The following SPMIP1 variants were observed in gnomAD, a reference collection of about 807,000 sequenced individuals.
SPMIP1 encodes protein SPMIP1.
At chr7:128,871,666 T>G in the SPMIP1 span, 1 of 152,240 alleles carries the variant, frequency 6.6e-6, no homozygotes, top group African/African-American at 2.4e-5. Context: ...CCAAGAATAC[T>G]GCATCTTGTT....
the SPMIP1 span, among the ~76,000 whole-genome samples, chr7:128,867,632 C>T: frequency 6.6e-6 from 1 of 152,058 alleles, no homozygotes; most frequent in Admixed American, 6.5e-5. Context: ...AATGCAGTGG[C>T]ACGATCTTGG....
At chr7:128,869,988 C>T in the SPMIP1 span, 1 of 152,202 alleles carries the variant, frequency 6.6e-6, no homozygotes, top group African/African-American at 2.4e-5. Context: ...ATCTCGGCTC[C>T]GGCTCCGCGA....
At chr7:128,871,052 C>T in the SPMIP1 span, 1 of 152,326 alleles carries the variant, frequency 6.6e-6, no homozygotes, top group Non-Finnish European at 1.5e-5. Context: ...CCCAGCCCCT[C>T]ATGCACAGTT....
chr7:128,871,574 A>C, the SPMIP1 span: 12 of 152,266 alleles, frequency 7.9e-5, no homozygotes, highest in Non-Finnish European at 1.5e-4. Flanking sequence ...GCTCCCCTGC[A>C]GCTGTGGAGG....
At chr7:128,871,635 G>A in the SPMIP1 span, 1 of 152,202 alleles carries the variant, frequency 6.6e-6, no homozygotes, top group African/African-American at 2.4e-5. Flanking sequence ...GATTTCATAA[G>A]GTCTGAAATT....
the SPMIP1 span, chr7:128,866,922 C>T: frequency 1.6e-6 from 2 of 1,263,224 alleles, no homozygotes; most frequent in Non-Finnish European, 2.1e-6. Flanking sequence ...AGACTATAAA[C>T]AGAGCAAGGA....
At chr7:128,866,395 C>A in the SPMIP1 span, 2 of 1,504,564 alleles carry the variant, frequency 1.3e-6, no homozygotes, top group Non-Finnish European at 1.8e-6. Flanking sequence ...TGGTGCCACT[C>A]CTTCCCTGGC....
At chr7:128,868,984 G>A in the SPMIP1 span, 2 of 501,008 alleles carry the variant, frequency 4.0e-6, no homozygotes, top group South Asian at 7.2e-5. Flanking sequence ...ACTCAGCAAT[G>A]ACCAGAGGGT....
the SPMIP1 span, chr7:128,869,118 AG>A: frequency 2.6e-6 from 1 of 388,186 alleles, no homozygotes; most frequent in Non-Finnish European, 4.6e-6. Context: ...GGCCAGGGAA[AG>A]GGGCCTCCTG....
the SPMIP1 span, chr7:128,869,844 A>ACCT: frequency 3.3e-5 from 5 of 152,234 alleles, 1 homozygote; most frequent in Admixed American, 3.3e-4. Flanking sequence ...AGCCTGGCCC[A>ACCT]CCTCCTGCTC....
chr7:128,867,900 A>G, the SPMIP1 span, among the ~76,000 whole-genome samples: 1 of 152,100 alleles, frequency 6.6e-6, no homozygotes, highest in African/African-American at 2.4e-5. Context: ...GAGATCTCCT[A>G]GGGAGCTCAA....
chr7:128,869,772 C>T, the SPMIP1 span: 15,448 of 152,246 alleles, frequency 0.1, 1,434 homozygotes, highest in East Asian at 0.32. Flanking sequence ...GGCCACGCGG[C>T]CTTCAAGGCC....
At chr7:128,867,600 C>T in the SPMIP1 span, among the ~76,000 whole-genome samples, 1 of 151,638 alleles carries the variant, frequency 6.6e-6, no homozygotes, top group African/African-American at 2.4e-5. Flanking sequence ...TTGAAACAGT[C>T]TGACTCTGTC....
At chr7:128,868,765 T>G in the SPMIP1 span, 3 of 1,533,888 alleles carry the variant, frequency 2.0e-6, no homozygotes, top group Non-Finnish European at 2.6e-6. Flanking sequence ...CCCCGAGACC[T>G]GGCCCTCTGA....
At chr7:128,866,598 AC>A in the SPMIP1 span, 5 of 1,433,146 alleles carry the variant, frequency 3.5e-6, no homozygotes, top group Admixed American at 7.1e-5. Flanking sequence ...CCCCACTCTC[AC>A]CCCCACCCGC....
At chr7:128,866,793 C>G in the SPMIP1 span, 1 of 1,535,708 alleles carries the variant, frequency 6.5e-7, no homozygotes, top group Admixed American at 2.0e-5. Context: ...GATACCTCTT[C>G]CCCATCACCA....
the SPMIP1 span, chr7:128,866,621 C>A: frequency 6.5e-7 from 1 of 1,532,776 alleles, no homozygotes; most frequent in Non-Finnish European, 8.7e-7. Flanking sequence ...CCCAAGTCAG[C>A]CCCTTCCAAG....
At chr7:128,871,129 G>A in the SPMIP1 span, 25 of 152,258 alleles carry the variant, frequency 1.6e-4, no homozygotes, top group Admixed American at 5.9e-4. Flanking sequence ...TGAGGGCGCT[G>A]TCTGAACCTC....
At chr7:128,867,607 T>TGTC in the SPMIP1 span, among the ~76,000 whole-genome samples, 21 of 152,240 alleles carry the variant, frequency 1.4e-4, no homozygotes, top group East Asian at 2.9e-3. Context: ...AGTCTGACTC[T>TGTC]GTCACCCAGG....
Sources: allele counts gnomAD v4.1 joint callset (sites outside exome capture counted in the v4.1 genomes callset), GRCh38; gene constraint gnomAD v4.1.1; transcripts MANE v1.5; gene names NCBI Gene and HGNC (gene_info 2026-07-23, HGNC 2026-07-21).